Variants in ADAM12 observed in about 807,000 individuals in gnomAD.
ADAM12 encodes disintegrin and metalloproteinase domain-containing protein 12.
Under a neutral mutation model 106.4 loss-of-function variants are expected in ADAM12, and 70 were observed. The observed-to-expected ratio is 0.66, with a 90% CI of 0.54 to 0.80. The LOEUF (loss-of-function observed/expected upper bound fraction) is 0.80. Ranked by LOEUF, ADAM12 falls within the 30% of genes least tolerant of loss-of-function variation. ADAM12 has a pLI of 0.00. For synonymous variants in ADAM12, 420 were observed against 433.5 expected (o/e 0.97, Z 0.39); for missense variants, 1,010 against 1,171.9 (o/e 0.86, Z 2.02).
At position 126,038,487 on chromosome 10, in the gene ADAM12, CT is replaced by C. The variant is rs1954098231; in HGVS notation, c.2241-139del. On this transcript the variant is annotated intron_variant, in intron 19 of 22. Transcript: ENST00000448723. ...GCTAAACATGCAAAGGAAAAATTAC[CT>C]AATAACACTCTTAGGAGATTAAAAA... 1.3e-5 allele frequency: 8 copies of C among 605,104 alleles called. No individual in the cohort carries two copies. The Admixed American group carries it at 2.8e-4, about 21-fold the overall frequency. 37.5% of individuals were successfully genotyped at this position (605,104 alleles called of 1,614,324 possible).
At chr10:126,304,800 A>T (rs189686056) in intron 2 of ADAM12, among the ~76,000 whole-genome samples, 1 of 152,252 alleles carries the variant, frequency 6.6e-6, no homozygotes, top group Non-Finnish European at 1.5e-5. Context: ...TTACAAAAAA[A>T]AAATATATTT....
intron 5 of ADAM12, among the ~76,000 whole-genome samples, chr10:126,129,688 G>T (rs7072539): frequency 6.6e-6 from 1 of 152,278 alleles, no homozygotes; most frequent in Admixed American, 6.5e-5. Context: ...GGAGACATAC[G>T]ATACGGGACA....
At chr10:126,264,664 G>C (rs945838420) in intron 3 of ADAM12, among the ~76,000 whole-genome samples, 26 of 152,164 alleles carry the variant, frequency 1.7e-4, no homozygotes, top group African/African-American at 6.0e-4. Flanking sequence ...TTTGGTCTTT[G>C]CCAATTACGG....
intron 3 of ADAM12, among the ~76,000 whole-genome samples, chr10:126,263,634 A>G (rs968272396): frequency 6.6e-6 from 1 of 152,216 alleles, no homozygotes; most frequent in Non-Finnish European, 1.5e-5. Context: ...TGTATTTTAC[A>G]CATCTGGAAA....
At chr10:126,333,328 A>C (rs1469296469) in intron 1 of ADAM12, among the ~76,000 whole-genome samples, 1 of 152,244 alleles carries the variant, frequency 6.6e-6, no homozygotes, top group African/African-American at 2.4e-5. Context: ...ACCCAACCCC[A>C]GTAATGGGGA....
At chr10:126,262,332 G>GA (rs139892247) in intron 3 of ADAM12, among the ~76,000 whole-genome samples, 1 of 151,944 alleles carries the variant, frequency 6.6e-6, no homozygotes, top group African/African-American at 2.4e-5. Flanking sequence ...ATGATTATAG[G>GA]AAAAAAAGAT....
intron 14 of ADAM12, among the ~76,000 whole-genome samples, chr10:126,058,920 A>G (rs1199626343): frequency 6.6e-6 from 1 of 152,242 alleles, no homozygotes; most frequent in Admixed American, 6.5e-5. Context: ...CACATCTCTT[A>G]GAAAGAATGA....
At position 126,228,066 on chromosome 10, in the gene ADAM12, C is replaced by T. The variant is rs571959709; in HGVS notation, c.260+50849G>A. 2.6e-5 allele frequency among the ~76,000 whole-genome samples: 4 copies of T among 152,248 alleles called. No homozygotes were observed. The East Asian group carries it at 7.7e-4, about 29-fold the overall frequency. ...CAGGGGAGGGAAAAGGGGTCAAGGA[C>T]GGCCCCAGACACTGCCAGTCCTCAC... On this transcript the variant is annotated intron_variant, in intron 3 of 22. Coordinates refer to ENST00000448723, the MANE Select transcript of ADAM12 (RefSeq NM_001288973.2).
Position 126,346,578 on chromosome 10 carries a change from T to G in ADAM12, c.89-16069A>C, listed in dbSNP as rs553396457. Among the ~76,000 whole-genome samples the G allele has an allele frequency of 2.6e-5, 4 of 152,282 alleles. No individual in the cohort carries two copies. In the South Asian group the frequency reaches 8.3e-4, roughly 32 times the overall value. ...CTGAGTTCAATCCCTGGATATCCTT[T>G]TTAACTTTCTGTCTCGTTGATCTGT... On this transcript the variant is annotated intron_variant, in intron 1 of 22. Coordinates refer to ENST00000448723, the MANE Select transcript of ADAM12 (RefSeq NM_001288973.2).
At chr10:126,172,937 T>C (rs7086199) in intron 3 of ADAM12, among the ~76,000 whole-genome samples, 8 of 151,838 alleles carry the variant, frequency 5.3e-5, no homozygotes, top group African/African-American at 1.7e-4. Flanking sequence ...ATAAAAAAGG[T>C]TGAGCTCATG....
chr10:126,359,575 A>T (rs376829113), intron 1 of ADAM12, among the ~76,000 whole-genome samples: 3 of 152,200 alleles, frequency 2.0e-5, no homozygotes, highest in African/African-American at 7.2e-5. Context: ...ATCTCCTCTG[A>T]CTCCATGTCT....
At chr10:126,142,239 G>A (rs1010091325) in intron 4 of ADAM12, among the ~76,000 whole-genome samples, 1 of 152,196 alleles carries the variant, frequency 6.6e-6, no homozygotes, top group Non-Finnish European at 1.5e-5. Flanking sequence ...CAGAGGAGTG[G>A]AGTGGGAAAT....
At chr10:126,033,278 C>CCTTTT (rs1954001415) in intron 21 of ADAM12, among the ~76,000 whole-genome samples, 2 of 152,070 alleles carry the variant, frequency 1.3e-5, no homozygotes, top group Non-Finnish European at 2.9e-5. Context: ...GCCAGTTTGC[C>CCTTTT]AGCATACCAT....
At chr10:126,217,420 T>G (rs1275426442) in intron 3 of ADAM12, among the ~76,000 whole-genome samples, 1 of 150,690 alleles carries the variant, frequency 6.6e-6, no homozygotes, top group Admixed American at 6.6e-5. Context: ...CAGGCTGGAG[T>G]GCAATGGCGC....
chr10:126,333,928 A>G (rs374871625), intron 1 of ADAM12, among the ~76,000 whole-genome samples: 3 of 152,284 alleles, frequency 2.0e-5, no homozygotes, highest in African/African-American at 7.2e-5. Flanking sequence ...TGACTGCACA[A>G]TTTGCTGAGT....
intron 16 of ADAM12, among the ~76,000 whole-genome samples, chr10:126,048,189 G>A (rs1399803177): frequency 6.6e-6 from 1 of 152,088 alleles, no homozygotes; most frequent in Non-Finnish European, 1.5e-5. Context: ...TAACTAATGG[G>A]TACTAGGCTT....
chr10:126,380,275 TG>T (rs749095313), intron 1 of ADAM12, among the ~76,000 whole-genome samples: 1 of 152,234 alleles, frequency 6.6e-6, no homozygotes, highest in African/African-American at 2.4e-5. Context: ...TAATATTCAA[TG>T]TGCACATTTC....
chr10:126,283,493 A>C (rs1205257904), intron 2 of ADAM12, among the ~76,000 whole-genome samples: 4 of 152,182 alleles, frequency 2.6e-5, no homozygotes, highest in Admixed American at 1.3e-4. Flanking sequence ...GGGCAGCCCC[A>C]ATCTGCTGAC....
intron 14 of ADAM12, among the ~76,000 whole-genome samples, chr10:126,054,984 T>G (rs961350870): frequency 1.3e-5 from 2 of 152,170 alleles, no homozygotes; most frequent in Non-Finnish European, 2.9e-5. Context: ...TCACACTTCA[T>G]GGTCTCCAGG....
Sources: allele counts gnomAD v4.1 joint callset (sites outside exome capture counted in the v4.1 genomes callset), GRCh38; gene constraint gnomAD v4.1.1; transcripts MANE v1.5; gene names NCBI Gene and HGNC (gene_info 2026-07-23, HGNC 2026-07-21).